PCDHGA7: variants seen among roughly 807,000 people sequenced by gnomAD.
PCDHGA7 encodes the protein protocadherin gamma-A7.
A neutral mutation model predicts 58.3 loss-of-function variants in PCDHGA7; 44 were observed. The ratio of observed to expected loss-of-function variants is 0.75; its 90% CI spans 0.59 to 0.97. The LOEUF (loss-of-function observed/expected upper bound fraction) is 0.97. PCDHGA7 is among the 50% of genes least tolerant of loss of function. The pLI is 0.00. For missense variants in PCDHGA7, 1,266 were observed against 1,188.7 expected (o/e 1.06, Z -0.96); for synonymous variants, 516 against 504.2 (o/e 1.02, Z -0.31).
chr5:141,456,576 A>C (rs1383992335), intron 1 of PCDHGA7, among the ~76,000 whole-genome samples: 2 of 152,188 alleles, frequency 1.3e-5, no homozygotes, highest in African/African-American at 4.8e-5. Context: ...ATTTTCCCTG[A>C]GCCTGTCAAT....
At chr5:141,504,502 G>A (rs2099838821) in intron 2 of PCDHGA7, among the ~76,000 whole-genome samples, 1 of 152,128 alleles carries the variant, frequency 6.6e-6, no homozygotes, top group Non-Finnish European at 1.5e-5. Context: ...CCCAGTCTGA[G>A]TGGATCTCCT....
At chr5:141,413,219 G>C in intron 1 of PCDHGA7, 1 of 1,613,506 alleles carries the variant, frequency 6.2e-7, no homozygotes, top group Non-Finnish European at 8.5e-7. Context: ...AAGGATTGCA[G>C]CGGGCTGGTC....
intron 1 of PCDHGA7, chr5:141,433,018 T>C: frequency 6.2e-7 from 1 of 1,614,120 alleles, no homozygotes. Flanking sequence ...TGCAGACCTA[T>C]TCCCACGAGG....
At chr5:141,458,438 C>T (rs2098945825) in intron 1 of PCDHGA7, among the ~76,000 whole-genome samples, 1 of 152,024 alleles carries the variant, frequency 6.6e-6, no homozygotes, top group Non-Finnish European at 1.5e-5. Flanking sequence ...GAGGAGGTCC[C>T]CCACATTAAC....
Position 141,409,216 on chromosome 5 carries a change from T to G in PCDHGA7, c.2424+23893T>G, listed in dbSNP as rs368791778. 9.9e-6 allele frequency: 16 copies of G among 1,613,886 alleles called. No individual in the cohort carries two copies. The African/African-American group carries it at 1.1e-4, about 11-fold the overall frequency. ...AGTGTAAAGTAATCATAGAAATCCT[T>G]GATGAAAACGACAACAGCCCAGAAA... is the stretch of plus-strand genomic sequence containing the variant. On this transcript the variant is annotated intron_variant, in intron 1 of 3. Coordinates refer to ENST00000518325, the MANE Select transcript of PCDHGA7 (RefSeq NM_018920.4).
chr5:141,485,511 C>G lies in PCDHGA7; in HGVS notation c.2425-9296C>G, dbSNP rs1168331122. The G allele has an allele frequency of 1.2e-6, 2 of 1,614,042 alleles. No individual in the cohort carries two copies. Among genetic ancestry groups the G allele is most frequent in the Non-Finnish European group, 1.7e-6 (2 of 1,180,038 alleles). On this transcript the variant is annotated intron_variant, in intron 1 of 3. Transcript: ENST00000518325. The surrounding 1 kb of genome is among the most constrained non-coding windows in gnomAD (Gnocchi z 5.7). Reference sequence around the variant, plus strand: ...CCCCTGGAGTTTGTCACCGAAGGTCCTTTGGAAATGTACCGAGCAGAGGTA... The same window carrying G: ...CCCCTGGAGTTTGTCACCGAAGGTCGTTTGGAAATGTACCGAGCAGAGGTA...
intron 1 of PCDHGA7, chr5:141,413,078 C>T: frequency 7.7e-7 from 1 of 1,301,152 alleles, no homozygotes; most frequent in Non-Finnish European, 1.1e-6. Flanking sequence ...AGTGCCCAGG[C>T]TACAGAGACA....
In PCDHGA7 at chr5:141,382,783, C is replaced by A; in HGVS notation, c.-117C>A. ...TCTTCCAGGCTGCACTAAACTCAAG[C>A]CTCTATCCTGCTGGATTCTGAGCTC... is the stretch of plus-strand genomic sequence containing the variant. On this transcript the variant is annotated 5_prime_UTR_variant, in exon 1 of 4. Coordinates refer to ENST00000518325, the MANE Select transcript of PCDHGA7 (RefSeq NM_018920.4). The A allele has an allele frequency of 1.1e-6, 1 of 871,086 alleles. No homozygotes were observed. The allele number at this position is 871,086 out of a possible 1,614,324, so 54.0% of individuals were successfully genotyped here.
chr5:141,465,627 A>C lies in PCDHGA7; in HGVS notation c.2425-29180A>C, dbSNP rs370355596. 1.1e-4 allele frequency among the ~76,000 whole-genome samples: 17 copies of C among 152,326 alleles called. 1 individual carries two copies. The South Asian group carries it at 3.3e-3, about 30-fold the overall frequency. On this transcript the variant is annotated intron_variant, in intron 1 of 3. Coordinates refer to ENST00000518325, the MANE Select transcript of PCDHGA7 (RefSeq NM_018920.4). ...TCTTTGGCCCTCCAGGAAGTCAACCAGCAAAATGCTTTGAACATCCCAAAA... is the reference window on the plus strand; with the variant it reads ...TCTTTGGCCCTCCAGGAAGTCAACCCGCAAAATGCTTTGAACATCCCAAAA...
In PCDHGA7 at chr5:141,383,610, C is replaced by T; in HGVS notation, c.711C>T (p.Asp237=). ...HIQVTVVDVN[D]HTPVFSLPQY... is the part of the protein sequence containing the mutation. ...AGGTGACAGTGGTGGATGTGAATGA[C>T]CACACGCCTGTCTTCTCTCTGCCTC... Residue 237 remains aspartate (D), a synonymous_variant, in exon 1 of 4, where the codon GAC becomes GAT. Coordinates refer to ENST00000518325, the MANE Select transcript of PCDHGA7 (RefSeq NM_018920.4). The T allele has an allele frequency of 6.2e-7, 1 of 1,613,818 alleles. No individual in the cohort carries two copies. The highest frequency in any genetic ancestry group is 1.1e-5 in the South Asian group (1 of 91,084).
At position 141,393,784 on chromosome 5, in the gene PCDHGA7, T is replaced by A. The variant is rs1554094164; in HGVS notation, c.2424+8461T>A. 3 of 1,613,864 alleles carry A rather than the reference T, an allele frequency of 1.9e-6. No homozygotes were observed. The South Asian group carries it at 3.3e-5, about 18-fold the overall frequency. ...GAAATGGAAATACAAGCCGAAGATG[T>A]GGGGGCACTTCTGGGGAGGACCAAA... On this transcript the variant is annotated intron_variant, in intron 1 of 3. Coordinates refer to ENST00000518325, the MANE Select transcript of PCDHGA7 (RefSeq NM_018920.4).
At chr5:141,406,070 T>A (rs1451280596) in intron 1 of PCDHGA7, among the ~76,000 whole-genome samples, 1 of 136,270 alleles carries the variant, frequency 7.3e-6, no homozygotes, top group Admixed American at 7.2e-5. Flanking sequence ...AAATTCTTAC[T>A]CCTTTTTTTT....
Position 141,385,517 on chromosome 5 carries a change from T to G in PCDHGA7, c.2424+194T>G, listed in dbSNP as rs887255170. 4.4e-6 allele frequency: 6 copies of G among 1,367,514 alleles called. No individual in the cohort carries two copies. In the Admixed American group the frequency reaches 2.0e-4, roughly 47 times the overall value. The allele number at this position is 1,367,514 out of a possible 1,614,324, so 84.7% of individuals were successfully genotyped here. A position where few individuals can be genotyped will look rare whatever the true frequency, so the allele number is the denominator to read the frequency against. The stretch of plus-strand genomic sequence containing the variant: ...ATATAGTATTTCTTTAGTGAAAGCC[T>G]ATGGACAAGATTATGAATATGTGGA... On this transcript the variant is annotated intron_variant, in intron 1 of 3. Transcript: ENST00000518325.
At chr5:141,444,670 C>G (rs1174911888) in intron 1 of PCDHGA7, among the ~76,000 whole-genome samples, 1 of 152,052 alleles carries the variant, frequency 6.6e-6, no homozygotes, top group African/African-American at 2.4e-5. Context: ...CCATTTTTTT[C>G]AATACCATTT....
chr5:141,392,809 CA>C, intron 1 of PCDHGA7: 1 of 1,578,772 alleles, frequency 6.3e-7, no homozygotes, highest in Non-Finnish European at 8.6e-7. Flanking sequence ...TGCAGCAAAA[CA>C]ACAATGGCCG....
chr5:141,508,740 C>G (rs2099871405), intron 3 of PCDHGA7, among the ~76,000 whole-genome samples: 1 of 152,006 alleles, frequency 6.6e-6, no homozygotes. Flanking sequence ...CACCCCCCAC[C>G]CCGCTCTTTC....
At chr5:141,462,539 T>G (rs2099042077) in intron 1 of PCDHGA7, among the ~76,000 whole-genome samples, 1 of 152,184 alleles carries the variant, frequency 6.6e-6, no homozygotes, top group African/African-American at 2.4e-5. Flanking sequence ...TTCAGTGATC[T>G]TTTCTTCTTC....
intron 1 of PCDHGA7, among the ~76,000 whole-genome samples, chr5:141,484,138 G>A (rs184277779): frequency 6.6e-6 from 1 of 152,244 alleles, no homozygotes; most frequent in Admixed American, 6.5e-5. Context: ...TCAGATAAAG[G>A]GAATTTGTAG....
Position 141,384,294 on chromosome 5 carries a change from C to G in PCDHGA7, c.1395C>G (p.Asn465Lys). ...SSYSVYIAEN[N>K]PRGASIFLVT... ...ACTCAGTCTACATCGCTGAGAACAA[C>G]CCCAGAGGGGCCTCCATTTTCTTAG... The change falls in exon 1 of 4, where the codon AAC (asparagine) becomes AAG (lysine). Residue 465 changes from asparagine (N) to lysine (K), a missense_variant. Transcript: ENST00000518325. The G allele has an allele frequency of 6.2e-7, 1 of 1,613,864 alleles. No homozygotes were observed. Among genetic ancestry groups the G allele is most frequent in the Non-Finnish European group, 8.5e-7 (1 of 1,179,892 alleles).
Sources: gnomAD v4.1 joint callset for allele counts (sites outside exome capture counted in the v4.1 genomes callset) on GRCh38, gnomAD v4.1.1 for gene constraint, Gnocchi (gnomAD v3.1) non-coding constraint, MANE v1.5 for transcripts, NCBI Gene and HGNC (gene_info 2026-07-23, HGNC 2026-07-21) for gene names.